Variants in CTNNA3 observed in about 807,000 individuals in gnomAD.
CTNNA3 encodes the protein catenin alpha 3.
A neutral mutation model predicts 95.7 loss-of-function variants in CTNNA3; 76 were observed. That is an observed-to-expected ratio of 0.79 (90% CI 0.66 to 0.96). The LOEUF (loss-of-function observed/expected upper bound fraction) is 0.96, where lower values mean the gene tolerates loss of function less well. Among genes scored for constraint, CTNNA3 ranks in the 40% least tolerant of loss-of-function variants. CTNNA3 has a pLI of 0.00. For missense variants in CTNNA3, 1,191 were observed against 1,089.8 expected (o/e 1.09, Z -1.31); for synonymous variants, 431 against 374.4 (o/e 1.15, Z -1.74).
rs773885927 is a variant in CTNNA3, at chr10:66,379,234, G to T, written c.1650C>A (p.Ile550=). ...CGTAACTGTCCATTTCACCCGTGAC[G>T]ATGTGAGCAACTCTTGCTGCCCGGC... ...IRGRAARVAH[I]VTGEMDSYEP... Residue 550 remains isoleucine, a synonymous_variant, in exon 12 of 18, where the codon ATC becomes ATA. Coordinates refer to ENST00000433211, the MANE Select transcript of CTNNA3 (RefSeq NM_013266.4). 6.2e-7 allele frequency: 1 copy of T among 1,614,102 alleles called. No homozygotes were observed. Among genetic ancestry groups the T allele is most frequent in the Non-Finnish European group, 8.5e-7 (1 of 1,179,978 alleles).
chr10:66,730,314 G>A (rs1014375527), intron 9 of CTNNA3, among the ~76,000 whole-genome samples: 1 of 152,136 alleles, frequency 6.6e-6, no homozygotes, highest in Non-Finnish European at 1.5e-5. Flanking sequence ...CATGGATGGA[G>A]TTGAAAGCCA....
chr10:67,752,597 C>T (rs1313436041), intron 1 of CTNNA3, among the ~76,000 whole-genome samples: 3 of 152,202 alleles, frequency 2.0e-5, no homozygotes. Flanking sequence ...AGCCCAAAAG[C>T]TCCTTAAGCT....
At chr10:66,624,625 G>T (rs1844869152) in intron 9 of CTNNA3, among the ~76,000 whole-genome samples, 1 of 152,072 alleles carries the variant, frequency 6.6e-6, no homozygotes, top group Non-Finnish European at 1.5e-5. Context: ...CCTACTGAAA[G>T]GCATTCATTA....
rs570990737 is a variant in CTNNA3, at chr10:65,931,917, C to T, written c.2401-11300G>A. ...AACCTGAAAGCAGTAGGCATCTAAACTAATCCCCAGGCATTGGAATTCAGC... is the reference window on the plus strand; with the variant it reads ...AACCTGAAAGCAGTAGGCATCTAAATTAATCCCCAGGCATTGGAATTCAGC... On this transcript the variant is annotated intron_variant, in intron 17 of 17. Transcript: ENST00000433211. Among the ~76,000 whole-genome samples, 16 of 152,312 alleles carry T rather than the reference C, an allele frequency of 1.1e-4. No individual in the cohort carries two copies. The Middle Eastern group carries it at 0.017, about 162-fold the overall frequency.
intron 12 of CTNNA3, among the ~76,000 whole-genome samples, chr10:66,345,150 T>C (rs954033963): frequency 2.0e-5 from 3 of 152,092 alleles, no homozygotes; most frequent in Non-Finnish European, 4.4e-5. Flanking sequence ...CATTCTGAAC[T>C]ACAAATGCTG....
chr10:66,384,657 C>A (rs561535933), intron 11 of CTNNA3, among the ~76,000 whole-genome samples: 1 of 152,226 alleles, frequency 6.6e-6, no homozygotes, highest in South Asian at 2.1e-4. Flanking sequence ...ATCACCACAT[C>A]GCATTTATTC....
chr10:67,166,147 T>C lies in CTNNA3; in HGVS notation c.1047+14170A>G, dbSNP rs1186202432. On this transcript the variant is annotated intron_variant, in intron 7 of 17. Coordinates refer to ENST00000433211, the MANE Select transcript of CTNNA3 (RefSeq NM_013266.4). Reference sequence around the variant, plus strand: ...TGTGACTATTCCACAGCATAAATTATATAATCACTAGGTATTCAATGATTC... The same window carrying C: ...TGTGACTATTCCACAGCATAAATTACATAATCACTAGGTATTCAATGATTC... 5.3e-5 allele frequency among the ~76,000 whole-genome samples: 8 copies of C among 152,208 alleles called. No individual in the cohort carries two copies. The East Asian group carries it at 7.7e-4, about 15-fold the overall frequency.
intron 12 of CTNNA3, among the ~76,000 whole-genome samples, chr10:66,284,502 C>T (rs2091551717): frequency 6.6e-6 from 1 of 151,656 alleles, no homozygotes; most frequent in South Asian, 2.1e-4. Context: ...AATTTTCTGA[C>T]AATGCAGTTA....
intron 7 of CTNNA3, among the ~76,000 whole-genome samples, chr10:67,075,241 A>T (rs1300095434): frequency 6.6e-6 from 1 of 152,166 alleles, no homozygotes; most frequent in East Asian, 1.9e-4. Context: ...AAAGAAAAAT[A>T]TAATGGTCAG....
At position 67,392,970 on chromosome 10, in the gene CTNNA3, T is replaced by A. The variant is rs567451112; in HGVS notation, c.579+128872A>T. ...TACCTAATGCTAGATGATGAGTTAG[T>A]GGGTGCAGCGCACCAGCATGGCACA... On this transcript the variant is annotated intron_variant, in intron 5 of 17. Coordinates refer to ENST00000433211, the MANE Select transcript of CTNNA3 (RefSeq NM_013266.4). Among the ~76,000 whole-genome samples the A allele has an allele frequency of 1.2e-4, 19 of 152,222 alleles. 1 individual carries two copies. In the South Asian group the frequency reaches 3.7e-3, roughly 30 times the overall value.
chr10:67,087,070 G>T (rs1857350800), intron 7 of CTNNA3, among the ~76,000 whole-genome samples: 3 of 152,022 alleles, frequency 2.0e-5, no homozygotes, highest in Admixed American at 6.6e-5. Context: ...AGGCTTTTGA[G>T]CCATAGTTTC....
At chr10:66,976,582 C>A (rs910523510) in intron 7 of CTNNA3, among the ~76,000 whole-genome samples, 3 of 152,108 alleles carry the variant, frequency 2.0e-5, no homozygotes, top group African/African-American at 7.2e-5. Context: ...CAGTGACTTC[C>A]CTAAAGAAAA....
At chr10:67,306,243 G>A (rs759680783) in intron 5 of CTNNA3, among the ~76,000 whole-genome samples, 9 of 152,060 alleles carry the variant, frequency 5.9e-5, no homozygotes, top group Non-Finnish European at 1.0e-4. Context: ...TCATCAGAAC[G>A]AGCTAATAAA....
chr10:67,497,807 A>G (rs1839077182), intron 5 of CTNNA3, among the ~76,000 whole-genome samples: 1 of 151,970 alleles, frequency 6.6e-6, no homozygotes. Context: ...AAATTTGTTT[A>G]AGTTCCTTAT....
At chr10:66,301,300 G>C (rs1007122584) in intron 12 of CTNNA3, among the ~76,000 whole-genome samples, 3 of 151,976 alleles carry the variant, frequency 2.0e-5, no homozygotes, top group Non-Finnish European at 2.9e-5. Context: ...TGGAAGCAGA[G>C]TGAATACTTT....
intron 15 of CTNNA3, among the ~76,000 whole-genome samples, chr10:66,044,319 G>A (rs1260641995): frequency 1.3e-5 from 2 of 151,906 alleles, no homozygotes; most frequent in Non-Finnish European, 2.9e-5. Context: ...AAAATCAAAA[G>A]CAAACCAAAC....
intron 7 of CTNNA3, among the ~76,000 whole-genome samples, chr10:66,922,144 G>T (rs1846819177): frequency 6.6e-6 from 1 of 152,114 alleles, no homozygotes; most frequent in Non-Finnish European, 1.5e-5. Flanking sequence ...TTAGATACAT[G>T]ACACTATTTT....
At chr10:66,012,648 T>C (rs974974896) in intron 15 of CTNNA3, among the ~76,000 whole-genome samples, 1 of 152,198 alleles carries the variant, frequency 6.6e-6, no homozygotes, top group African/African-American at 2.4e-5. Context: ...TTATAGAAAC[T>C]AATAGTTGAA....
chr10:66,978,908 T>C (rs2132868727), intron 7 of CTNNA3, among the ~76,000 whole-genome samples: 1 of 151,262 alleles, frequency 6.6e-6, no homozygotes, highest in South Asian at 2.1e-4. Context: ...TTACTAAATC[T>C]TGACTAGCGA....
Sources: allele counts gnomAD v4.1 joint callset (sites outside exome capture counted in the v4.1 genomes callset), GRCh38; gene constraint gnomAD v4.1.1; transcripts MANE v1.5; gene names NCBI Gene and HGNC (gene_info 2026-07-23, HGNC 2026-07-21).